The following RPN2 variants were observed in gnomAD, a reference collection of about 807,000 sequenced individuals.
The protein encoded by RPN2 is ribophorin II.
A neutral mutation model predicts 71.4 loss-of-function variants in RPN2; 29 were observed. The observed-to-expected ratio is 0.41, with a 90% CI of 0.30 to 0.55. The LOEUF is 0.55. RPN2 is among the 20% of genes least tolerant of loss of function. The pLI, the probability that RPN2 is intolerant of heterozygous loss-of-function variation, is 0.35. For synonymous variants in RPN2, 308 were observed against 305.0 expected, an observed-to-expected ratio of 1.01 and a Z score of -0.10; for missense variants, 726 against 774.1, an observed-to-expected ratio of 0.94 and a Z score of 0.74.
In RPN2 at chr20:37,184,362, C is replaced by T. The variant is rs148488636; in HGVS notation, c.196C>T (p.Pro66Ser). 34 of 1,613,914 alleles carry T rather than the reference C, an allele frequency of 2.1e-5. No individual in the cohort carries two copies. The highest frequency in any genetic ancestry group is 1.5e-4 in the Admixed American group (9 of 59,998). ...ACTCAGCAGCCTTGGTGCTCAGGTG[C>T]CAGATGCAAAGGTAAGGCTGCTTTT... ...VGLSSLGAQVPDAKKACTYIR... is the reference protein window; with the variant it reads ...VGLSSLGAQVSDAKKACTYIR... Residue 66 changes from proline to serine, a missense_variant, in exon 2 of 17, where the codon CCA becomes TCA. Transcript: ENST00000237530.
At chr20:37,217,822 C>T (rs2067852886) in intron 9 of RPN2, among the ~76,000 whole-genome samples, 1 of 151,966 alleles carries the variant, frequency 6.6e-6, no homozygotes. Flanking sequence ...CCGCCTCCAC[C>T]TCCCGGGTTC....
rs750890652 is a variant in RPN2 at position 37,198,388 on chromosome 20, A to G, written c.208-9A>G. ...CACCACTTAACATTGACTTTTCCCC[A>G]CTGTGTAGAAAGCATGTACCTACAT... On this transcript the variant is annotated splice_polypyrimidine_tract_variant and intron_variant, in intron 2 of 16. Transcript: ENST00000237530. 22 of 1,614,146 alleles carry G rather than the reference A, an allele frequency of 1.4e-5. No individual in the cohort carries two copies. The highest frequency in any genetic ancestry group is 1.6e-4 in the Middle Eastern group (1 of 6,062).
intron 2 of RPN2, among the ~76,000 whole-genome samples, chr20:37,197,537 A>G (rs1244722031): frequency 6.6e-6 from 1 of 152,202 alleles, no homozygotes; most frequent in African/African-American, 2.4e-5. Flanking sequence ...TGCTGGATGC[A>G]TGGTATTACC....
At chr20:37,225,067 C>T (rs2068046544) in intron 10 of RPN2, among the ~76,000 whole-genome samples, 2 of 152,130 alleles carry the variant, frequency 1.3e-5, no homozygotes, top group African/African-American at 4.8e-5. Context: ...TGGTTTATCC[C>T]CTGGCCATCT....
In RPN2 at chr20:37,194,797, G is replaced by A. The variant is rs150697403; in HGVS notation, c.208-3600G>A. On this transcript the variant is annotated intron_variant, in intron 2 of 16. Transcript: ENST00000237530. Reference sequence around the variant, plus strand: ...CGGGCCTGGTTAGAAAGGGTCTGGCGTGGGGCCCCAGCCAGTGTGTGCCTG... The same window carrying A: ...CGGGCCTGGTTAGAAAGGGTCTGGCATGGGGCCCCAGCCAGTGTGTGCCTG... Among the ~76,000 whole-genome samples the A allele has an allele frequency of 3.1e-3, 471 of 152,268 alleles. 5 individuals carry two copies. The highest frequency in any genetic ancestry group is 0.011 in the African/African-American group (439 of 41,534).
At chr20:37,226,854 A>G (rs536963176) in intron 11 of RPN2, among the ~76,000 whole-genome samples, 6 of 152,286 alleles carry the variant, frequency 3.9e-5, no homozygotes, top group African/African-American at 1.2e-4. Context: ...TACGTGAAGG[A>G]AGATTCAGAT....
At chr20:37,216,819 G>T (rs574061068) in intron 9 of RPN2, among the ~76,000 whole-genome samples, 2 of 152,096 alleles carry the variant, frequency 1.3e-5, no homozygotes, top group East Asian at 1.9e-4. Context: ...TAAGGCTTCG[G>T]TCTATCTGAA....
intron 2 of RPN2, among the ~76,000 whole-genome samples, chr20:37,191,268 G>C (rs1252834477): frequency 6.6e-6 from 1 of 152,184 alleles, no homozygotes; most frequent in African/African-American, 2.4e-5. Flanking sequence ...CTTGAGGTCA[G>C]GAGTTCGAGA....
chr20:37,183,476 C>G (rs1015278036), intron 1 of RPN2, among the ~76,000 whole-genome samples: 2 of 152,172 alleles, frequency 1.3e-5, no homozygotes, highest in South Asian at 4.1e-4. Flanking sequence ...CCTCGGCCTC[C>G]CAAAGTGCTG....
chr20:37,196,669 T>A (rs779446850), intron 2 of RPN2, among the ~76,000 whole-genome samples: 4 of 152,218 alleles, frequency 2.6e-5, no homozygotes, highest in Admixed American at 6.5e-5. Context: ...CGTGAGCCAC[T>A]GTGCCCAGCC....
In RPN2 at chr20:37,229,012, CATT is replaced by C. The variant is rs1157216574; in HGVS notation, c.1494+271_1494+273del. On this transcript the variant is annotated intron_variant, in intron 12 of 16. Transcript: ENST00000237530. ...GCTAGTATCTGTGAATTTCTATAAACATTATACAGGAAGGCCGTTTTCATATTA... is the reference window on the plus strand; with the variant it reads ...GCTAGTATCTGTGAATTTCTATAAACATACAGGAAGGCCGTTTTCATATTA... 2.2e-4 allele frequency among the ~76,000 whole-genome samples: 33 copies of C among 152,270 alleles called. 1 individual carries two copies. In the South Asian group the frequency reaches 2.5e-3, roughly 11 times the overall value.
At chr20:37,212,832 T>C (rs1349807721) in intron 8 of RPN2, among the ~76,000 whole-genome samples, 1 of 152,130 alleles carries the variant, frequency 6.6e-6, no homozygotes, top group Non-Finnish European at 1.5e-5. Context: ...ATCAGGAGTT[T>C]TCAATTTTAG....
At chr20:37,220,766 T>C (rs2067934503) in intron 9 of RPN2, among the ~76,000 whole-genome samples, 1 of 152,250 alleles carries the variant, frequency 6.6e-6, no homozygotes, top group African/African-American at 2.4e-5. Flanking sequence ...ACGATTTTTA[T>C]TTCTAAATTT....
In RPN2 at chr20:37,204,906, C is replaced by G. The variant is rs745428139; in HGVS notation, c.690+5C>G. ...ACTGAGCCATCCATTAAGGAGGTAC[C>G]TATCTAACAATTTTCAGGCATGAAA... On this transcript the variant is annotated splice_donor_5th_base_variant and intron_variant, in intron 6 of 16. Transcript: ENST00000237530. The G allele has an allele frequency of 6.2e-7, 1 of 1,614,148 alleles. No individual in the cohort carries two copies. The highest frequency in any genetic ancestry group is 8.5e-7 in the Non-Finnish European group (1 of 1,180,026).
At chr20:37,228,916 C>G (rs903859927) in intron 12 of RPN2, among the ~76,000 whole-genome samples, 172 bp downstream of exon 12, 1 of 152,182 alleles carries the variant, frequency 6.6e-6, no homozygotes, top group African/African-American at 2.4e-5. Flanking sequence ...TGGGGTCATG[C>G]ACGGGGCTTG....
rs753502327 is a variant in RPN2 at position 37,210,090 on chromosome 20, C to G, written c.911C>G (p.Thr304Ser). ...NVLSQPLTQA[T>S]VKLEHAKSVA... ...CTGTCTCAGCCTCTGACTCAGGCCA[C>G]TGTTAAACTAGAACATGCTAAATCT... Residue 304 changes from threonine (T) to serine (S), a missense_variant, in exon 8 of 17, where the codon ACT becomes AGT. Transcript: ENST00000237530. 25 of 1,614,054 alleles carry G rather than the reference C, an allele frequency of 1.5e-5. No homozygotes were observed. The highest frequency in any genetic ancestry group is 2.1e-5 in the Non-Finnish European group (25 of 1,180,042).
At chr20:37,228,454 GC>G (rs2068138159) in intron 11 of RPN2, 95 bp from the exon 12 acceptor site, 1 of 1,208,944 alleles carries the variant, frequency 8.3e-7, no homozygotes, top group African/African-American at 1.5e-5. Flanking sequence ...CTGTGACAAA[GC>G]GCTAATAACC....
intron 9 of RPN2, among the ~76,000 whole-genome samples, chr20:37,216,817 C>T (rs1040985578): frequency 1.7e-4 from 26 of 152,244 alleles, no homozygotes; most frequent in African/African-American, 4.3e-4. Flanking sequence ...TTTAAGGCTT[C>T]GGTCTATCTG....
chr20:37,197,533 A>G (rs2067280498), intron 2 of RPN2, among the ~76,000 whole-genome samples: 1 of 152,212 alleles, frequency 6.6e-6, no homozygotes, highest in Non-Finnish European at 1.5e-5. Context: ...GGGTTGCTGG[A>G]TGCATGGTAT....
Sources: allele counts gnomAD v4.1 joint callset (sites outside exome capture counted in the v4.1 genomes callset), GRCh38; gene constraint gnomAD v4.1.1; transcripts MANE v1.5; gene names NCBI Gene and HGNC (gene_info 2026-07-23, HGNC 2026-07-21).